The following STARD13 variants were observed in gnomAD, a reference collection of about 807,000 sequenced individuals.
STARD13 encodes the protein stAR-related lipid transfer protein 13.
A neutral mutation model predicts 106.4 loss-of-function variants in STARD13; 62 were observed. The observed-to-expected ratio is 0.58, with a 90% CI of 0.48 to 0.72. The LOEUF is 0.72. STARD13 is among the 30% of genes least tolerant of loss of function. The pLI is 0.00. For synonymous variants in STARD13, 565 were observed against 553.0 expected (o/e 1.02, Z -0.31); for missense variants, 1,387 against 1,424.0 (o/e 0.97, Z 0.42).
the STARD13 span, among the ~76,000 whole-genome samples, chr13:33,673,797 A>C: frequency 1.3e-5 from 2 of 151,862 alleles, no homozygotes; most frequent in African/African-American, 4.8e-5. Context: ...TTGGCCTCCC[A>C]AAGTCCTGGA....
At chr13:33,453,348 C>T in the STARD13 span, among the ~76,000 whole-genome samples, 5 of 152,202 alleles carry the variant, frequency 3.3e-5, no homozygotes, top group African/African-American at 1.2e-4. Context: ...GTTCTGGACA[C>T]ATCGCCCTGG....
the STARD13 span, among the ~76,000 whole-genome samples, chr13:33,536,642 G>C: frequency 6.6e-6 from 1 of 152,160 alleles, no homozygotes; most frequent in East Asian, 1.9e-4. Flanking sequence ...CTCTGGGCTA[G>C]CACAATCTGA....
At chr13:33,489,642 T>C in the STARD13 span, among the ~76,000 whole-genome samples, 15 of 152,376 alleles carry the variant, frequency 9.8e-5, no homozygotes, top group African/African-American at 3.1e-4. Context: ...TAGAGTTTAA[T>C]GGAAAGTATG....
At chr13:33,561,518 CTG>C in the STARD13 span, among the ~76,000 whole-genome samples, 4 of 151,326 alleles carry the variant, frequency 2.6e-5, no homozygotes, top group Non-Finnish European at 4.4e-5. Context: ...TAAAAAATAT[CTG>C]TGTGAGTGTC....
chr13:33,382,774 A>G, the STARD13 span, among the ~76,000 whole-genome samples: 1 of 152,230 alleles, frequency 6.6e-6, no homozygotes, highest in African/African-American at 2.4e-5. Context: ...TACATTGGTA[A>G]CACTGATAAG....
intron 1 of STARD13, among the ~76,000 whole-genome samples, chr13:33,263,956 G>A (rs774445503): frequency 1.3e-5 from 2 of 152,216 alleles, no homozygotes; most frequent in African/African-American, 2.4e-5. Context: ...AAAAAGTGAA[G>A]AGGCAACTTC....
intron 1 of STARD13, among the ~76,000 whole-genome samples, chr13:33,232,037 G>C (rs1888950810): frequency 6.6e-6 from 1 of 152,214 alleles, no homozygotes. Context: ...AATAGGCCAG[G>C]CATGGTGGCT....
chr13:33,418,292 T>C, the STARD13 span, among the ~76,000 whole-genome samples: 1 of 152,248 alleles, frequency 6.6e-6, no homozygotes, highest in Non-Finnish European at 1.5e-5. Flanking sequence ...TTCTCTCCCA[T>C]GCCTGGCTTG....
At chr13:33,187,723 C>T (rs1176043277) in intron 1 of STARD13, among the ~76,000 whole-genome samples, 2 of 152,074 alleles carry the variant, frequency 1.3e-5, no homozygotes, top group Non-Finnish European at 1.5e-5. Flanking sequence ...TGATCTGTCA[C>T]CCAGGCTGGA....
At chr13:33,233,929 G>T (rs1487449964) in intron 1 of STARD13, among the ~76,000 whole-genome samples, 1 of 152,202 alleles carries the variant, frequency 6.6e-6, no homozygotes, top group Non-Finnish European at 1.5e-5. Context: ...CCTGCAAGGG[G>T]TTGAGCATGG....
chr13:33,259,326 A>C (rs935125770), intron 1 of STARD13, among the ~76,000 whole-genome samples: 1 of 152,272 alleles, frequency 6.6e-6, no homozygotes, highest in African/African-American at 2.4e-5. Flanking sequence ...AGATTTTGGT[A>C]GAAATTAAAA....
chr13:33,178,521 A>G (rs1357484111), intron 1 of STARD13, among the ~76,000 whole-genome samples: 1 of 152,218 alleles, frequency 6.6e-6, no homozygotes, highest in African/African-American at 2.4e-5. Context: ...TTCTCAGCAG[A>G]CTTCAAAAAG....
At chr13:33,562,172 C>A in the STARD13 span, among the ~76,000 whole-genome samples, 1 of 146,226 alleles carries the variant, frequency 6.8e-6, no homozygotes, top group Non-Finnish European at 1.5e-5. Context: ...GATATGGGAT[C>A]AAAATTTACA....
the STARD13 span, among the ~76,000 whole-genome samples, chr13:33,564,048 G>A: frequency 7.0e-4 from 101 of 145,144 alleles, 11 homozygotes; most frequent in Middle Eastern, 3.5e-3. Context: ...AAAATTAGCC[G>A]GGTGTGGTGG....
At chr13:33,185,882 G>A in intron 1 of STARD13, 3 of 1,614,016 alleles carry the variant, frequency 1.9e-6, no homozygotes, top group Non-Finnish European at 2.5e-6. Context: ...ACTTACCCCG[G>A]CGCTGGAATG....
chr13:33,586,618 A>G, the STARD13 span, among the ~76,000 whole-genome samples: 2 of 152,220 alleles, frequency 1.3e-5, no homozygotes, highest in Non-Finnish European at 2.9e-5. Flanking sequence ...ATGCCAACTT[A>G]GTGAAAGAGC....
intron 1 of STARD13, among the ~76,000 whole-genome samples, chr13:33,267,095 C>T (rs1056475878): frequency 5.3e-5 from 8 of 152,152 alleles, no homozygotes; most frequent in East Asian, 1.9e-4. Flanking sequence ...AACACAAACT[C>T]GAGTGCAGCA....
chr13:33,267,414 C>T (rs1890949436), intron 1 of STARD13, among the ~76,000 whole-genome samples: 1 of 152,152 alleles, frequency 6.6e-6, no homozygotes, highest in Non-Finnish European at 1.5e-5. Flanking sequence ...CAACAGCTAT[C>T]ATGAGAACTG....
chr13:33,364,255 C>G, the STARD13 span, among the ~76,000 whole-genome samples: 1 of 152,050 alleles, frequency 6.6e-6, no homozygotes, highest in East Asian at 1.9e-4. Context: ...TGCTTGAGGC[C>G]AAGAGTTCGA....
Sources: allele counts gnomAD v4.1 joint callset (sites outside exome capture counted in the v4.1 genomes callset), GRCh38; gene constraint gnomAD v4.1.1; transcripts MANE v1.5; gene names NCBI Gene and HGNC (gene_info 2026-07-23, HGNC 2026-07-21).